The following SPMIP6 variants were observed in gnomAD, a reference collection of about 807,000 sequenced individuals.
SPMIP6 encodes ciliated bronchial epithelial protein 1.
the SPMIP6 span, among the ~76,000 whole-genome samples, chr9:34,389,540 C>T: frequency 9.2e-5 from 14 of 152,174 alleles, no homozygotes; most frequent in Non-Finnish European, 1.6e-4. Context: ...CTACCATGCC[C>T]TGCCAATTTT....
the SPMIP6 span, among the ~76,000 whole-genome samples, chr9:34,394,717 G>A: frequency 6.6e-6 from 1 of 152,082 alleles, no homozygotes; most frequent in East Asian, 1.9e-4. Context: ...GTTAAGTTTG[G>A]AATGTACAGA....
chr9:34,397,730 C>T, the SPMIP6 span: 1 of 1,321,756 alleles, frequency 7.6e-7, no homozygotes, highest in Non-Finnish European at 1.0e-6. Context: ...ACACCTCCAG[C>T]CTGGCAGGTG....
At chr9:34,387,066 C>T in the SPMIP6 span, among the ~76,000 whole-genome samples, 1 of 149,914 alleles carries the variant, frequency 6.7e-6, no homozygotes, top group Non-Finnish European at 1.5e-5. Context: ...AAGTCTCACT[C>T]TGCCACCCAG....
At chr9:34,395,316 TCATTGA>T in the SPMIP6 span, among the ~76,000 whole-genome samples, 2 of 152,206 alleles carry the variant, frequency 1.3e-5, no homozygotes. Flanking sequence ...TCCTCGCCAT[TCATTGA>T]AGCTGTCTGG....
the SPMIP6 span, chr9:34,381,634 G>A: frequency 1.4e-6 from 2 of 1,435,330 alleles, no homozygotes; most frequent in Non-Finnish European, 1.8e-6. The surrounding 1 kb of genome is among the most constrained non-coding windows in gnomAD (Gnocchi z 4.4). Context: ...AACAGGGGCG[G>A]GGTGGGGTAG....
At chr9:34,393,558 T>C in the SPMIP6 span, among the ~76,000 whole-genome samples, 1 of 152,198 alleles carries the variant, frequency 6.6e-6, no homozygotes, top group African/African-American at 2.4e-5. Context: ...TGCAGTTTCA[T>C]TGTGAGGTGC....
At chr9:34,390,939 A>T in the SPMIP6 span, among the ~76,000 whole-genome samples, 1,424 of 152,248 alleles carry the variant, frequency 9.4e-3, 29 homozygotes, top group African/African-American at 0.032. Flanking sequence ...TTAATTTTGT[A>T]TCAAAGTTAT....
chr9:34,397,038 C>T, the SPMIP6 span, among the ~76,000 whole-genome samples: 6 of 152,176 alleles, frequency 3.9e-5, no homozygotes, highest in South Asian at 4.1e-4. Flanking sequence ...GGACAGTTTC[C>T]GGCCTATTCC....
At chr9:34,385,091 C>G in the SPMIP6 span, among the ~76,000 whole-genome samples, 1 of 151,790 alleles carries the variant, frequency 6.6e-6, no homozygotes, top group Non-Finnish European at 1.5e-5. Context: ...GACCCAGGGC[C>G]CTTCCAGGTT....
the SPMIP6 span, chr9:34,381,586 T>C: frequency 2.1e-6 from 3 of 1,459,200 alleles, no homozygotes; most frequent in Admixed American, 7.3e-5. This position sits in a 1 kb window ranked among gnomAD's most constrained non-coding sequence, Gnocchi z 4.4. Context: ...CAGGGCTCTG[T>C]GTTGGCGGCT....
chr9:34,388,838 A>G, the SPMIP6 span, among the ~76,000 whole-genome samples: 2 of 151,688 alleles, frequency 1.3e-5, no homozygotes, highest in East Asian at 3.9e-4. Context: ...TTAGTCCTTT[A>G]CTATTGGCAC....
chr9:34,389,787 TAC>T, the SPMIP6 span, among the ~76,000 whole-genome samples: 19 of 152,266 alleles, frequency 1.2e-4, no homozygotes, highest in Admixed American at 2.0e-4. Flanking sequence ...TAGTTTTACA[TAC>T]ATTGTTAGAT....
chr9:34,396,708 C>T, the SPMIP6 span, among the ~76,000 whole-genome samples: 1 of 152,136 alleles, frequency 6.6e-6, no homozygotes, highest in Non-Finnish European at 1.5e-5. Flanking sequence ...TCCTGGATCC[C>T]TCAGTAGGTC....
chr9:34,380,640 G>A, the SPMIP6 span: 9 of 1,524,334 alleles, frequency 5.9e-6, no homozygotes, highest in Non-Finnish European at 7.0e-6. Context: ...GAGAGGCCAG[G>A]TTGACCTTGA....
chr9:34,389,405 T>C, the SPMIP6 span, among the ~76,000 whole-genome samples: 1 of 152,252 alleles, frequency 6.6e-6, no homozygotes, highest in African/African-American at 2.4e-5. Flanking sequence ...ATAACTCATC[T>C]TCTTTAAGTG....
chr9:34,387,075 A>G, the SPMIP6 span, among the ~76,000 whole-genome samples: 4 of 146,692 alleles, frequency 2.7e-5, no homozygotes, highest in Admixed American at 2.8e-4. Context: ...TCTGCCACCC[A>G]GGCTGAAGTG....
the SPMIP6 span, chr9:34,382,764 C>T: frequency 8.7e-6 from 14 of 1,613,018 alleles, no homozygotes; most frequent in South Asian, 4.4e-5. Context: ...CTTAGGCAGC[C>T]GAGGAAGGTA....
the SPMIP6 span, chr9:34,397,478 C>T: frequency 6.2e-7 from 1 of 1,613,904 alleles, no homozygotes; most frequent in South Asian, 1.1e-5. Flanking sequence ...GCCTGCCCCT[C>T]CCCACCAATC....
the SPMIP6 span, chr9:34,381,051 C>G: frequency 6.2e-7 from 1 of 1,611,820 alleles, no homozygotes; most frequent in South Asian, 1.1e-5. The surrounding 1 kb of genome is among the most constrained non-coding windows in gnomAD (Gnocchi z 4.4). Flanking sequence ...AGCGGGTCCA[C>G]GCACCCGCAT....
Sources: allele counts gnomAD v4.1 joint callset (sites outside exome capture counted in the v4.1 genomes callset), GRCh38; gene constraint gnomAD v4.1.1; non-coding constraint Gnocchi (gnomAD v3.1); transcripts MANE v1.5; gene names NCBI Gene and HGNC (gene_info 2026-07-23, HGNC 2026-07-21).